Variants in RBMS3 observed in about 807,000 individuals in gnomAD.
The protein encoded by RBMS3 is RNA-binding motif, single-stranded-interacting protein 3.
A neutral mutation model predicts 66.8 loss-of-function variants in RBMS3; 27 were observed. That is an observed-to-expected ratio of 0.40 (90% CI 0.30 to 0.56). The LOEUF (loss-of-function observed/expected upper bound fraction) is 0.56. Ranked by LOEUF, RBMS3 falls within the 20% of genes least tolerant of loss-of-function variation. The pLI is 0.40. For missense variants in RBMS3, 513 were observed against 549.5 expected, an observed-to-expected ratio of 0.93 and a Z score of 0.66; for synonymous variants, 188 against 183.0, an observed-to-expected ratio of 1.03 and a Z score of -0.22.
Position 29,412,876 on chromosome 3 carries a change from A to T in RBMS3, c.76-21867A>T, listed in dbSNP as rs530632348. Among the ~76,000 whole-genome samples, 10 of 152,342 alleles carry T rather than the reference A, an allele frequency of 6.6e-5. No individual in the cohort carries two copies. The South Asian group carries it at 1.9e-3, about 28-fold the overall frequency. ...AAATTTGAATCCTGCCTTCAGGATG[A>T]ATAGGCTTGGCTACTGGGGAACCAG... On this transcript the variant is annotated intron_variant, in intron 1 of 14. Coordinates refer to ENST00000383767, the MANE Select transcript of RBMS3 (RefSeq NM_001003793.3).
At position 29,478,347 on chromosome 3, in the gene RBMS3, G is replaced by A. The variant is rs541681166; in HGVS notation, c.249-10094G>A. ...GCAGCTGGTTCATTGTCTAATGAGG[G>A]CCCCATTTTCTGGTTCCTAAATGGT... On this transcript the variant is annotated intron_variant, in intron 2 of 14. Transcript: ENST00000383767. Among the ~76,000 whole-genome samples, 33 of 152,200 alleles carry A rather than the reference G, an allele frequency of 2.2e-4. No individual in the cohort carries two copies. In the South Asian group the frequency reaches 2.9e-3, roughly 13 times the overall value.
rs528213097 is a variant in RBMS3, at chr3:29,601,942, C to T, written c.399+14737C>T. ...AGGGACCATATGTATTCCTTCCCCA[C>T]CTTGGGAACTCTGATTAGCCAGAAA... On this transcript the variant is annotated intron_variant, in intron 4 of 14. Coordinates refer to ENST00000383767, the MANE Select transcript of RBMS3 (RefSeq NM_001003793.3). Among the ~76,000 whole-genome samples the T allele has an allele frequency of 2.6e-5, 4 of 152,122 alleles. No homozygotes were observed. In the East Asian group the frequency reaches 7.7e-4, roughly 29 times the overall value.
At chr3:29,575,721 G>T (rs1365724386) in intron 3 of RBMS3, among the ~76,000 whole-genome samples, 3 of 151,948 alleles carry the variant, frequency 2.0e-5, no homozygotes, top group African/African-American at 7.3e-5. Flanking sequence ...CTGATTGTGT[G>T]TTTTCAAATA....
intron 3 of RBMS3, among the ~76,000 whole-genome samples, chr3:29,516,060 G>A (rs561735131): frequency 6.6e-6 from 1 of 152,240 alleles, no homozygotes; most frequent in East Asian, 1.9e-4. Flanking sequence ...AAGATAAAGT[G>A]GGGACAGGAT....
intron 10 of RBMS3, among the ~76,000 whole-genome samples, chr3:29,913,387 C>G (rs1371982738): frequency 1.3e-5 from 2 of 151,926 alleles, no homozygotes; most frequent in Non-Finnish European, 2.9e-5. Context: ...GGAAGGCATA[C>G]AAATAGTTCA....
intron 1 of RBMS3, among the ~76,000 whole-genome samples, chr3:29,308,618 C>T (rs548224178): frequency 4.6e-5 from 7 of 150,546 alleles, no homozygotes; most frequent in Non-Finnish European, 8.9e-5. Flanking sequence ...GGAGGATGTG[C>T]GATTTGATAT....
chr3:29,358,704 T>G (rs2037379324), intron 1 of RBMS3, among the ~76,000 whole-genome samples: 1 of 152,214 alleles, frequency 6.6e-6, no homozygotes, highest in South Asian at 2.1e-4. Flanking sequence ...CATTTTTTTG[T>G]GTCCTCTTTT....
chr3:29,919,752 T>A (rs1394850391), intron 10 of RBMS3, among the ~76,000 whole-genome samples: 1 of 152,198 alleles, frequency 6.6e-6, no homozygotes, highest in Non-Finnish European at 1.5e-5. Flanking sequence ...CATTTCCCTG[T>A]AAAATTATGC....
chr3:29,399,575 G>A (rs1372413800), intron 1 of RBMS3, among the ~76,000 whole-genome samples: 1 of 152,170 alleles, frequency 6.6e-6, no homozygotes, highest in Non-Finnish European at 1.5e-5. Flanking sequence ...CAAAATAGCT[G>A]CCGAACTTCC....
chr3:29,893,975 C>A (rs2060063312), intron 8 of RBMS3, among the ~76,000 whole-genome samples: 1 of 151,538 alleles, frequency 6.6e-6, no homozygotes, highest in African/African-American at 2.4e-5. Context: ...CTGTTCTAGG[C>A]AACAATACTG....
intron 4 of RBMS3, among the ~76,000 whole-genome samples, chr3:29,658,395 T>C (rs959162311): frequency 3.3e-5 from 5 of 152,182 alleles, no homozygotes; most frequent in Admixed American, 2.6e-4. Context: ...AGCCTGAGAT[T>C]CTGCATTTCT....
intron 4 of RBMS3, among the ~76,000 whole-genome samples, chr3:29,723,591 C>A (rs1307308526): frequency 6.6e-6 from 1 of 151,610 alleles, no homozygotes; most frequent in African/African-American, 2.4e-5. Flanking sequence ...CTCCTCTCTT[C>A]TATAACATCT....
rs570915407 is a variant in RBMS3 at position 29,479,061 on chromosome 3, A to G, written c.249-9380A>G. On this transcript the variant is annotated intron_variant, in intron 2 of 14. Transcript: ENST00000383767. Reference sequence around the variant, plus strand: ...ACATAGGGGCAGCATGAAATCAAAGAAAGAGTAAGATTTTGAAGCCAAATG... The same window carrying G: ...ACATAGGGGCAGCATGAAATCAAAGGAAGAGTAAGATTTTGAAGCCAAATG... Among the ~76,000 whole-genome samples, 20 of 152,286 alleles carry G rather than the reference A, an allele frequency of 1.3e-4. No homozygotes were observed. The East Asian group carries it at 3.7e-3, about 28-fold the overall frequency.
intron 1 of RBMS3, among the ~76,000 whole-genome samples, chr3:29,391,939 T>G (rs6549934): frequency 0.29 from 44,538 of 152,008 alleles, 6,894 homozygotes; most frequent in African/African-American, 0.41. Context: ...ATAGCCATGA[T>G]AAATAAAGTT....
chr3:29,634,161 T>G (rs549605921), intron 4 of RBMS3, among the ~76,000 whole-genome samples: 1 of 152,050 alleles, frequency 6.6e-6, no homozygotes, highest in African/African-American at 2.4e-5. Context: ...AAAGATACAT[T>G]CATTCCTTGA....
At chr3:29,484,808 AG>A (rs2043261814) in intron 2 of RBMS3, among the ~76,000 whole-genome samples, 2 of 152,224 alleles carry the variant, frequency 1.3e-5, no homozygotes, top group African/African-American at 4.8e-5. Flanking sequence ...ATCTAGAAGT[AG>A]GCAAACAACC....
chr3:29,878,107 A>G (rs1218053772), intron 7 of RBMS3, among the ~76,000 whole-genome samples: 4 of 152,074 alleles, frequency 2.6e-5, no homozygotes, highest in Admixed American at 2.6e-4. Flanking sequence ...TGTGCAACCT[A>G]GATCCCTGTA....
At chr3:29,333,935 G>A (rs1234325089) in intron 1 of RBMS3, among the ~76,000 whole-genome samples, 1 of 152,158 alleles carries the variant, frequency 6.6e-6, no homozygotes, top group Non-Finnish European at 1.5e-5. Flanking sequence ...GAATGGTTAA[G>A]TGCTCAGTAC....
chr3:29,380,763 A>C (rs988008037), intron 1 of RBMS3, among the ~76,000 whole-genome samples: 1 of 152,200 alleles, frequency 6.6e-6, no homozygotes, highest in Non-Finnish European at 1.5e-5. Flanking sequence ...TCACTAGTCT[A>C]TGATAAATAC....
Sources: gnomAD v4.1 joint callset for allele counts (sites outside exome capture counted in the v4.1 genomes callset) on GRCh38, gnomAD v4.1.1 for gene constraint, MANE v1.5 for transcripts, NCBI Gene and HGNC (gene_info 2026-07-23, HGNC 2026-07-21) for gene names.